JAM2: variants seen among roughly 807,000 people sequenced by gnomAD.
JAM2 encodes the protein junctional adhesion molecule 2.
A neutral mutation model predicts 42.0 loss-of-function variants in JAM2; 17 were observed. The ratio of observed to expected loss-of-function variants is 0.40; its 90% CI spans 0.28 to 0.61. The LOEUF (loss-of-function observed/expected upper bound fraction) is 0.61, where lower values mean the gene tolerates loss of function less well. JAM2 is among the 20% of genes least tolerant of loss of function. JAM2 has a pLI of 0.37. For missense variants in JAM2, 319 were observed against 358.3 expected, an observed-to-expected ratio of 0.89 and a Z score of 0.89; for synonymous variants, 118 against 128.6, an observed-to-expected ratio of 0.92 and a Z score of 0.56.
At chr21:25,688,506 A>G (rs2033805576) in intron 2 of JAM2, among the ~76,000 whole-genome samples, 1 of 152,212 alleles carries the variant, frequency 6.6e-6, no homozygotes, top group Non-Finnish European at 1.5e-5. Flanking sequence ...AATCAACAGA[A>G]AAGAACTGTG....
intron 8 of JAM2, among the ~76,000 whole-genome samples, chr21:25,710,662 G>A (rs1311827787): frequency 6.6e-6 from 1 of 152,184 alleles, no homozygotes. Flanking sequence ...CGGGACCAGG[G>A]TGGCTGGAAC....
chr21:25,647,505 G>A (rs2032648383), intron 1 of JAM2, among the ~76,000 whole-genome samples: 1 of 152,106 alleles, frequency 6.6e-6, no homozygotes, highest in Non-Finnish European at 1.5e-5. Flanking sequence ...AGTAATTAAG[G>A]TACAACCTAA....
chr21:25,679,067 G>A (rs2033567377), intron 1 of JAM2, among the ~76,000 whole-genome samples: 1 of 152,204 alleles, frequency 6.6e-6, no homozygotes, highest in Non-Finnish European at 1.5e-5. Flanking sequence ...GCCTCTCAAA[G>A]TAGTTCTGCA....
chr21:25,665,813 G>T (rs2033203499), intron 1 of JAM2, among the ~76,000 whole-genome samples: 2 of 152,054 alleles, frequency 1.3e-5, no homozygotes, highest in African/African-American at 4.8e-5. Flanking sequence ...GGCCGAGGCG[G>T]GTGGATTACT....
chr21:25,655,231 T>G (rs1466131062), intron 1 of JAM2, among the ~76,000 whole-genome samples: 2 of 151,522 alleles, frequency 1.3e-5, no homozygotes, highest in African/African-American at 4.9e-5. Flanking sequence ...GATGACTATA[T>G]GGTGTTTATT....
rs185448715 is a variant in JAM2 at position 25,691,572 on chromosome 21, G to A, written c.241+1599G>A. ...TGTTACTATCAAAAAATAAAATAATGTTTTTAACCATCTTTTCTTGTGCCG... is the reference window on the plus strand; with the variant it reads ...TGTTACTATCAAAAAATAAAATAATATTTTTAACCATCTTTTCTTGTGCCG... On this transcript the variant is annotated intron_variant, in intron 3 of 9. Coordinates refer to ENST00000480456, the MANE Select transcript of JAM2 (RefSeq NM_021219.4). Among the ~76,000 whole-genome samples the A allele has an allele frequency of 3.3e-5, 5 of 152,252 alleles. No homozygotes were observed. In the East Asian group the frequency reaches 9.6e-4, roughly 29 times the overall value.
At chr21:25,643,399 TC>T (rs1481814812) in intron 1 of JAM2, 7 of 152,174 alleles carry the variant, frequency 4.6e-5, no homozygotes, top group African/African-American at 1.7e-4. Flanking sequence ...GGTCCTCAGA[TC>T]TGGACTGGAA....
At chr21:25,702,082 A>T in intron 5 of JAM2, 88 bp from the exon 6 acceptor site, 1 of 601,972 alleles carries the variant, frequency 1.7e-6, no homozygotes, top group Non-Finnish European at 2.7e-6. Context: ...AGACAAACTT[A>T]ATGCTAAAAT....
chr21:25,696,835 C>T (rs2034047710), intron 4 of JAM2, among the ~76,000 whole-genome samples: 1 of 152,150 alleles, frequency 6.6e-6, no homozygotes, highest in Admixed American at 6.5e-5. Flanking sequence ...TCCCTTCCAT[C>T]TTCAATGAAA....
intron 1 of JAM2, among the ~76,000 whole-genome samples, chr21:25,671,939 G>A (rs1167686626): frequency 3.3e-5 from 5 of 152,180 alleles, no homozygotes; most frequent in African/African-American, 9.7e-5. Flanking sequence ...ACATTAAACT[G>A]TTAGTGATTG....
rs1392199610 is a variant in JAM2, at chr21:25,689,906, C to A, written c.174C>A (p.Ser58=). The A allele has an allele frequency of 2.5e-6, 4 of 1,613,796 alleles. No individual in the cohort carries two copies. Among genetic ancestry groups the A allele is most frequent in the Non-Finnish European group, 2.5e-6 (3 of 1,179,778 alleles). The stretch of plus-strand genomic sequence containing the variant: ...GCAAAACCCCAAAGAAGACTGTTTC[C>A]TCCAGATTAGAGTGGAAGAAACTGG... ...LACKTPKKTV[S]SRLEWKKLGR... The change falls in exon 3 of 10, where the codon TCC becomes TCA. Residue 58 remains serine, a synonymous_variant. Transcript: ENST00000480456.
chr21:25,699,620 G>C (rs913024755), intron 5 of JAM2, among the ~76,000 whole-genome samples: 1 of 150,920 alleles, frequency 6.6e-6, no homozygotes, highest in Non-Finnish European at 1.5e-5. Context: ...CTACTCGGGA[G>C]GCTGAGGCAG....
chr21:25,679,624 A>G (rs1035663204), intron 1 of JAM2, among the ~76,000 whole-genome samples: 3 of 152,214 alleles, frequency 2.0e-5, no homozygotes, highest in Admixed American at 1.3e-4. Flanking sequence ...ACTAGTGTCA[A>G]GATGAAGAAA....
intron 4 of JAM2, among the ~76,000 whole-genome samples, chr21:25,698,440 A>C (rs2034087627): frequency 1.3e-5 from 2 of 152,202 alleles, no homozygotes; most frequent in African/African-American, 2.4e-5. Flanking sequence ...GAACTCATGT[A>C]TATGACCCCA....
intron 1 of JAM2, among the ~76,000 whole-genome samples, chr21:25,642,967 C>T (rs2032488450): frequency 6.6e-6 from 1 of 152,238 alleles, no homozygotes; most frequent in Non-Finnish European, 1.5e-5. Context: ...GGAGCCTTCT[C>T]AGGGTGACCT....
At chr21:25,704,354 G>A (rs2034228668) in intron 6 of JAM2, among the ~76,000 whole-genome samples, 1 of 151,962 alleles carries the variant, frequency 6.6e-6, no homozygotes. Context: ...CCTTTCAAAA[G>A]ACTTATCAAG....
chr21:25,702,913 C>G (rs140796255), intron 6 of JAM2, among the ~76,000 whole-genome samples: 1 of 151,970 alleles, frequency 6.6e-6, no homozygotes, highest in Non-Finnish European at 1.5e-5. Flanking sequence ...AGTGCAGTGT[C>G]GTGATCTCGG....
chr21:25,649,404 G>A (rs953927088), intron 1 of JAM2, among the ~76,000 whole-genome samples: 8 of 152,102 alleles, frequency 5.3e-5, no homozygotes, highest in Admixed American at 1.3e-4. Flanking sequence ...GCAAAAGCGG[G>A]GAAAGCCCTT....
intron 1 of JAM2, among the ~76,000 whole-genome samples, chr21:25,669,331 G>A (rs534446419): frequency 5.3e-5 from 8 of 151,304 alleles, no homozygotes; most frequent in East Asian, 1.9e-4. Context: ...ATGATTGCGC[G>A]CCTGCACTCC....
Sources: allele counts gnomAD v4.1 joint callset (sites outside exome capture counted in the v4.1 genomes callset), GRCh38; gene constraint gnomAD v4.1.1; transcripts MANE v1.5; gene names NCBI Gene and HGNC (gene_info 2026-07-23, HGNC 2026-07-21).